The following CAPN2 variants were observed in gnomAD, a reference collection of about 807,000 sequenced individuals.
CAPN2 encodes the protein calpain-2 catalytic subunit.
In CAPN2, 92 loss-of-function variants were observed where a neutral mutation model predicts 102.3. That is an observed-to-expected ratio of 0.90 (90% CI 0.76 to 1.07). The LOEUF (loss-of-function observed/expected upper bound fraction) is 1.07. Among genes scored for constraint, CAPN2 ranks in the 50% least tolerant of loss-of-function variants. The pLI is 0.00. For synonymous variants in CAPN2, 340 were observed against 355.4 expected (o/e 0.96, Z 0.49); for missense variants, 800 against 909.4 (o/e 0.88, Z 1.55).
intron 1 of CAPN2, among the ~76,000 whole-genome samples, chr1:223,714,930 C>T (rs1250658222): frequency 1.3e-5 from 2 of 152,158 alleles, no homozygotes; most frequent in African/African-American, 2.4e-5. Flanking sequence ...TTAGGGCAGG[C>T]GGGCTGTGCA....
At chr1:223,704,860 G>A (rs1217746377) in intron 1 of CAPN2, among the ~76,000 whole-genome samples, 1 of 152,180 alleles carries the variant, frequency 6.6e-6, no homozygotes, top group African/African-American at 2.4e-5. Context: ...AAATGTAACC[G>A]AGGCAGGGGA....
At chr1:223,723,004 A>G (rs899407033) in intron 2 of CAPN2, among the ~76,000 whole-genome samples, 6 of 152,218 alleles carry the variant, frequency 3.9e-5, no homozygotes, top group African/African-American at 1.2e-4. Flanking sequence ...GAGATTTTGT[A>G]AGATGCCTGT....
At chr1:223,702,213 G>T (rs1659500277) in intron 1 of CAPN2, among the ~76,000 whole-genome samples, 1 of 151,882 alleles carries the variant, frequency 6.6e-6, no homozygotes. Flanking sequence ...ATGATTTGAG[G>T]TCAGGAGTTC....
rs753331410 is a variant in CAPN2, at chr1:223,747,084, G to A, written c.648G>A (p.Glu216=). The A allele has an allele frequency of 1.9e-6, 3 of 1,614,132 alleles. No individual in the cohort carries two copies. The highest frequency in any genetic ancestry group is 1.7e-6 in the Non-Finnish European group (2 of 1,180,016). ...CCGGAGGCATTGCTGAGTGGTATGA[G>A]TTGAAGAAGCCCCCTCCCAACCTGT... The part of the protein sequence containing the change: ...DFTGGIAEWY[E]LKKPPPNLFK... The change falls in exon 5 of 21, where the codon GAG becomes GAA. Residue 216 remains glutamate, a synonymous_variant. Transcript: ENST00000295006.
intron 2 of CAPN2, among the ~76,000 whole-genome samples, chr1:223,722,227 TTAAG>T (rs929891760): frequency 4.6e-5 from 7 of 152,214 alleles, no homozygotes; most frequent in African/African-American, 1.7e-4. Flanking sequence ...AATTGAATAT[TTAAG>T]TGTTTTAAAT....
chr1:223,739,040 A>G (rs1660540425), intron 2 of CAPN2, among the ~76,000 whole-genome samples: 1 of 152,166 alleles, frequency 6.6e-6, no homozygotes, highest in Non-Finnish European at 1.5e-5. Flanking sequence ...GGACATGAAG[A>G]GGCAGCTGGA....
At chr1:223,711,234 GCA>G (rs1271395855), upstream of CAPN2, among the ~76,000 whole-genome samples, 3 of 152,264 alleles carry the variant, frequency 2.0e-5, no homozygotes, top group South Asian at 4.1e-4. Context: ...TGTAGACCAT[GCA>G]CAGTTTTCCA....
intron 1 of CAPN2, among the ~76,000 whole-genome samples, chr1:223,706,457 A>C (rs1659607040): frequency 6.6e-6 from 1 of 152,212 alleles, no homozygotes; most frequent in African/African-American, 2.4e-5. Flanking sequence ...CTTTGGATTC[A>C]AATCACGGAC....
intron 18 of CAPN2, chr1:223,771,335 A>C (rs1005068162): frequency 1.3e-5 from 2 of 154,864 alleles, no homozygotes; most frequent in African/African-American, 2.4e-5. Context: ...GCCTCTGTTG[A>C]CTGCAAGGAA....
intron 20 of CAPN2, among the ~76,000 whole-genome samples, chr1:223,774,378 A>T (rs1245350074): frequency 1.3e-5 from 2 of 152,188 alleles, no homozygotes; most frequent in African/African-American, 4.8e-5. Context: ...TGCAGATTCC[A>T]TCACATGGGG....
chr1:223,743,920 A>C (rs1385656198), intron 2 of CAPN2, among the ~76,000 whole-genome samples, 180 bp from the exon 3 acceptor site: 1 of 152,164 alleles, frequency 6.6e-6, no homozygotes, highest in Non-Finnish European at 1.5e-5. Flanking sequence ...TTACTTTTAC[A>C]CCAACCTAAT....
chr1:223,730,489 CT>C (rs1660311946), intron 2 of CAPN2, among the ~76,000 whole-genome samples: 2 of 152,158 alleles, frequency 1.3e-5, no homozygotes, highest in African/African-American at 4.8e-5. Context: ...CAAGAGACAG[CT>C]TTCAGAGACA....
rs927700188 is a variant in CAPN2 at position 223,726,850 on chromosome 1, C to G, written c.307+9019C>G. Among the ~76,000 whole-genome samples the G allele has an allele frequency of 1.3e-5, 2 of 152,250 alleles. No homozygotes were observed. The highest frequency in any genetic ancestry group is 4.2e-4 in the South Asian group (2 of 4,814). On this transcript the variant is annotated intron_variant, in intron 2 of 20. Transcript: ENST00000295006. This position sits in a 1 kb window ranked among gnomAD's most constrained non-coding sequence, Gnocchi z 4.4. ...TATCCTTTTCTGGGCTGCTGCCAGACTCTGAAATGAGTAACAAAGGGATGG... is the reference window on the plus strand; with the variant it reads ...TATCCTTTTCTGGGCTGCTGCCAGAGTCTGAAATGAGTAACAAAGGGATGG...
chr1:223,749,006 G>A (rs779828395), intron 5 of CAPN2, 33 bp from the exon 6 acceptor site: 1 of 1,590,654 alleles, frequency 6.3e-7, no homozygotes, highest in Non-Finnish European at 8.6e-7. Flanking sequence ...GGGAGAGCGG[G>A]TGCGGCCAGT....
chr1:223,750,026 A>G (rs1463329771), intron 6 of CAPN2, among the ~76,000 whole-genome samples: 1 of 152,164 alleles, frequency 6.6e-6, no homozygotes, highest in Non-Finnish European at 1.5e-5. Context: ...AAAATTATCA[A>G]GCAACTCAAG....
chr1:223,737,446 G>C (rs1055409853), intron 2 of CAPN2, among the ~76,000 whole-genome samples: 1 of 152,084 alleles, frequency 6.6e-6, no homozygotes, highest in African/African-American at 2.4e-5. Flanking sequence ...AGATGTCATC[G>C]GTAGCCACCT....
In CAPN2 at chr1:223,764,055, C is replaced by G. The variant is rs546372987; in HGVS notation, c.1633-95C>G. On this transcript the variant is annotated intron_variant, in intron 14 of 20. Coordinates refer to ENST00000295006, the MANE Select transcript of CAPN2 (RefSeq NM_001748.5). The stretch of plus-strand genomic sequence containing the variant: ...TGTTAGAAATGCACATTCATAGGCC[C>G]CACCGCAGGCCTACCTAATGCACTG... 3.7e-4 allele frequency: 346 copies of G among 933,068 alleles called. 1 individual carries two copies. In the South Asian group the frequency reaches 4.5e-3, roughly 12 times the overall value. The allele number at this position is 933,068 out of a possible 1,614,324, so 57.8% of individuals were successfully genotyped here.
upstream of CAPN2, among the ~76,000 whole-genome samples, chr1:223,708,408 G>C (rs1299181682): frequency 2.0e-5 from 3 of 147,160 alleles, no homozygotes; most frequent in African/African-American, 7.6e-5. Context: ...CGGGCAACAA[G>C]AGTGAAACTC....
intron 16 of CAPN2, among the ~76,000 whole-genome samples, chr1:223,766,892 G>A (rs923803986): frequency 5.9e-5 from 9 of 152,048 alleles, no homozygotes; most frequent in East Asian, 3.9e-4. Flanking sequence ...CCTGGGAGGC[G>A]GAGGTTGCAG....
Sources: allele counts gnomAD v4.1 joint callset (sites outside exome capture counted in the v4.1 genomes callset), GRCh38; gene constraint gnomAD v4.1.1; non-coding constraint Gnocchi (gnomAD v3.1); transcripts MANE v1.5; gene names NCBI Gene and HGNC (gene_info 2026-07-23, HGNC 2026-07-21).